GFAP: variants seen among roughly 807,000 people sequenced by gnomAD.
GFAP encodes the protein glial fibrillary acidic protein.
In GFAP, 38 loss-of-function variants were observed where a neutral mutation model predicts 49.3. The ratio of observed to expected loss-of-function variants is 0.77; its 90% CI spans 0.60 to 1.01. GFAP has a LOEUF of 1.01. GFAP is among the 50% of genes least tolerant of loss of function. The pLI is 0.00. For synonymous variants in GFAP, 222 were observed against 236.4 expected (o/e 0.94, Z 0.56); for missense variants, 463 against 579.1 (o/e 0.80, Z 2.06).
chr17:44,910,528 C>A lies in GFAP; in HGVS notation c.1171+87G>T, dbSNP rs746649712. 3.2e-6 allele frequency: 5 copies of A among 1,553,032 alleles called. No individual in the cohort carries two copies. The African/African-American group carries it at 6.8e-5, about 21-fold the overall frequency. ...GAGAGCTGGATCCCTTTGCCCTGATCCTCAGTCCCAGTCTGGAGCAACCTA... is the reference window on the plus strand; with the variant it reads ...GAGAGCTGGATCCCTTTGCCCTGATACTCAGTCCCAGTCTGGAGCAACCTA... On this transcript the variant is annotated intron_variant, in intron 7 of 8. Transcript: ENST00000588735.
At chr17:44,908,261 A>C (rs759501770) in intron 7 of GFAP, 112 bp from the exon 8 acceptor site, 8 of 760,744 alleles carry the variant, frequency 1.1e-5, no homozygotes, top group Non-Finnish European at 1.9e-5. Context: ...ATGAGAACCT[A>C]TGCAACCGAG....
At chr17:44,909,008 C>G (rs9901503) in intron 7 of GFAP, 18,590 of 150,776 alleles carry the variant, frequency 0.12, 1,220 homozygotes, top group East Asian at 0.25. Context: ...GTCTGAGGCA[C>G]GAGAATTGCT....
chr17:44,908,093 C>A lies in GFAP; in HGVS notation c.1228G>T (p.Val410Leu). The A allele has an allele frequency of 6.2e-7, 1 of 1,609,236 alleles. No individual in the cohort carries two copies. The highest frequency in any genetic ancestry group is 8.5e-7 in the Non-Finnish European group (1 of 1,175,774). The change falls in exon 8 of 9, where the codon GTG becomes TTG. Residue 410 changes from valine to leucine, a missense_variant. Val to Leu is a conservative substitution (Grantham distance 32). Around this residue, in one of 3 missense-constraint regions of GFAP, gnomAD observed 362 missense variants for 445.5 expected, o/e 0.81. Coordinates refer to ENST00000588735, the MANE Select transcript of GFAP (RefSeq NM_002055.5). ...CCATCCCGCATCTCCACGGTCTTCA[C>A]CACGATGTTCCTCTTGAGGTGGCCT... Reference protein sequence around the residue: ...SEGHLKRNIVVKTVEMRDGEV... With the variant: ...SEGHLKRNIVLKTVEMRDGEV...
Position 44,904,398 on chromosome 17 carries a change from T to G in GFAP, c.*2949A>C, listed in dbSNP as rs748658414. On this transcript the variant is annotated 3_prime_UTR_variant, in exon 9 of 9. Coordinates refer to ENST00000588735, the MANE Select transcript of GFAP (RefSeq NM_002055.5). ...GGAGTGCGTGGGGAGCAGTGGCGCA[T>G]CGGCCTCTGCTACCTGCAGAGCCCA... The G allele has an allele frequency of 6.5e-7, 1 of 1,542,316 alleles. No individual in the cohort carries two copies. Among genetic ancestry groups the G allele is most frequent in the South Asian group, 1.2e-5 (1 of 83,678 alleles).
At chr17:44,913,233 C>T (rs1426975788) in intron 4 of GFAP, 36 bp downstream of exon 4, 22 of 1,604,304 alleles carry the variant, frequency 1.4e-5, no homozygotes, top group Non-Finnish European at 1.8e-5. Flanking sequence ...AGAAGGGCTG[C>T]CTGGAGGAGG....
chr17:44,910,617 C>A lies in GFAP; in HGVS notation c.1169G>T (p.Arg390Leu). The change falls in exon 7 of 9, where the codon CGA becomes CTA. Residue 390 changes from arginine to leucine, a missense_variant and splice_region_variant. By Grantham distance (102) the Arg-to-Leu change is moderately radical. This residue lies in a region of GFAP where 362 missense variants were observed against 445.5 expected (regional missense o/e 0.81). Coordinates refer to ENST00000588735, the MANE Select transcript of GFAP (RefSeq NM_002055.5). ...PVQTFSNLQI[R>L]ETSLDTKSVS... ...CCACGAGGCCCTGCTGTACTGACCT[C>A]GAATCTGCAGGTTGGAGAAGGTCTG... 4 of 1,578,548 alleles carry A rather than the reference C, an allele frequency of 2.5e-6. No individual in the cohort carries two copies. The highest frequency in any genetic ancestry group is 3.4e-6 in the Non-Finnish European group (4 of 1,161,688).
chr17:44,905,927 G>A lies in GFAP; in HGVS notation c.*1420C>T, dbSNP rs1232289370. 1.3e-5 allele frequency: 2 copies of A among 152,300 alleles called. No homozygotes were observed. The highest frequency in any genetic ancestry group is 4.8e-5 in the African/African-American group (2 of 41,452). The allele number at this position is 152,300 out of a possible 1,614,324, so 9.4% of individuals were successfully genotyped here. On this transcript the variant is annotated 3_prime_UTR_variant, in exon 9 of 9. Coordinates refer to ENST00000588735, the MANE Select transcript of GFAP (RefSeq NM_002055.5). The stretch of plus-strand genomic sequence containing the variant: ...GTCAGCCCTGAGCACCCGGCCTCCA[G>A]GCTGCAGGAATATGAGCCAGTGTCT...
At chr17:44,913,166 A>G (rs1440209529) in intron 4 of GFAP, 103 bp downstream of exon 4, 2 of 1,137,858 alleles carry the variant, frequency 1.8e-6, no homozygotes, top group East Asian at 2.3e-5. Context: ...AGTCACCTGG[A>G]GAGGATATTC....
intron 7 of GFAP, chr17:44,908,475 A>C: frequency 3.4e-5 from 7 of 204,404 alleles, no homozygotes; most frequent in East Asian, 1.1e-4. Flanking sequence ...CACACCTATA[A>C]TGCCATCATT....
chr17:44,911,554 G>A, intron 5 of GFAP, 98 bp from the exon 6 acceptor site: 1 of 1,563,486 alleles, frequency 6.4e-7, no homozygotes, highest in Non-Finnish European at 8.7e-7. Context: ...CTAGCCCGGG[G>A]GTAACGTTCA....
intron 4 of GFAP, chr17:44,912,530 C>T (rs1178873706): frequency 6.5e-6 from 1 of 154,484 alleles, no homozygotes; most frequent in East Asian, 1.9e-4. Flanking sequence ...CACTCACACT[C>T]CTCAGCTAGG....
Position 44,913,618 on chromosome 17 carries a change from T to A in GFAP, c.618+110A>T, listed in dbSNP as rs139617907. On this transcript the variant is annotated intron_variant, in intron 3 of 8. Coordinates refer to ENST00000588735, the MANE Select transcript of GFAP (RefSeq NM_002055.5). Reference sequence around the variant, plus strand: ...CTGTCTCTACCTGCCAATCTCTGTTTCTCTCCTCTCTCTGAGTGTCTCTCT... The same window carrying A: ...CTGTCTCTACCTGCCAATCTCTGTTACTCTCCTCTCTCTGAGTGTCTCTCT... 364 of 1,043,296 alleles carry A rather than the reference T, an allele frequency of 3.5e-4. No homozygotes were observed. In the East Asian group the frequency reaches 7.8e-3, roughly 22 times the overall value. 64.6% of individuals were successfully genotyped at this position (1,043,296 alleles called of 1,614,324 possible).
chr17:44,911,644 G>T (rs1374308354), intron 5 of GFAP, 28 bp downstream of exon 5: 7 of 1,608,476 alleles, frequency 4.4e-6, no homozygotes, highest in Non-Finnish European at 5.9e-6. Context: ...TGCTCCGCCC[G>T]TCCCCGTCCT....
chr17:44,911,310 G>T lies in GFAP; in HGVS notation c.1053C>A (p.Asp351Glu), dbSNP rs779162714. 1 of 1,614,158 alleles carries T rather than the reference G, an allele frequency of 6.2e-7. No homozygotes were observed. Among genetic ancestry groups the T allele is most frequent in the Admixed American group, 1.7e-5 (1 of 60,034 alleles). ...CCAGGGCCAGCTTGACATTGAGCAG[G>T]TCCTGGTACTCCTGCAAGTGGCGGG... is the stretch of plus-strand genomic sequence containing the variant. ...EMARHLQEYQ[D>E]LLNVKLALDI... Residue 351 changes from aspartate to glutamate, a missense_variant, in exon 6 of 9, where the codon GAC becomes GAA. This residue lies in a region of GFAP where 362 missense variants were observed against 445.5 expected (regional missense o/e 0.81). Transcript: ENST00000588735.
At chr17:44,912,258 G>T in intron 4 of GFAP, 1 of 162,862 alleles carries the variant, frequency 6.1e-6, no homozygotes. Context: ...TGAGTAGCTG[G>T]GATTACAGGC....
chr17:44,910,241 G>A lies in GFAP; in HGVS notation c.1171+374C>T, dbSNP rs1297179058. The A allele has an allele frequency of 1.7e-5, 27 of 1,613,748 alleles. No individual in the cohort carries two copies. Among genetic ancestry groups the A allele is most frequent in the South Asian group, 8.8e-5 (8 of 91,084 alleles). On this transcript the variant is annotated intron_variant, in intron 7 of 8. Transcript: ENST00000588735. ...ATCTTGTGACCTTGTGATTTTCCCC[G>A]TCTTTGGTGCTTTTGCCCCCTGTAG...
In GFAP at chr17:44,903,895, G is replaced by T; in HGVS notation, c.*3452C>A. On this transcript the variant is annotated 3_prime_UTR_variant, in exon 9 of 9. Transcript: ENST00000588735. Reference sequence around the variant, plus strand: ...GGCTCCAGGCCTTTGAAATTGTGGAGAAGGAAAACATTTTTCAGAGGACCC... The same window carrying T: ...GGCTCCAGGCCTTTGAAATTGTGGATAAGGAAAACATTTTTCAGAGGACCC... 6.4e-7 allele frequency: 1 copy of T among 1,550,658 alleles called. No individual in the cohort carries two copies. The highest frequency in any genetic ancestry group is 8.7e-7 in the Non-Finnish European group (1 of 1,146,986).
rs985259493 is a variant in GFAP, at chr17:44,903,447, G to A, written c.*3900C>T. The A allele has an allele frequency of 8.0e-7, 1 of 1,252,510 alleles. No individual in the cohort carries two copies. Among genetic ancestry groups the A allele is most frequent in the African/African-American group, 1.5e-5 (1 of 64,716 alleles). The allele number at this position is 1,252,510 out of a possible 1,614,324, so 77.6% of individuals were successfully genotyped here. ...GGTTGATGAAAGACTTTTCCACCAGGCTGGCAGGGCAGGGCCTGGAGCACT... is the reference window on the plus strand; with the variant it reads ...GGTTGATGAAAGACTTTTCCACCAGACTGGCAGGGCAGGGCCTGGAGCACT... On this transcript the variant is annotated 3_prime_UTR_variant, in exon 9 of 9. Coordinates refer to ENST00000588735, the MANE Select transcript of GFAP (RefSeq NM_002055.5).
rs1371694966 is a variant in GFAP at position 44,913,568 on chromosome 17, T to C, written c.619-138A>G. 2.7e-6 allele frequency: 3 copies of C among 1,090,936 alleles called. No individual in the cohort carries two copies. In the South Asian group the frequency reaches 3.8e-5, roughly 14 times the overall value. The allele number at this position is 1,090,936 out of a possible 1,614,324, so 67.6% of individuals were successfully genotyped here. A position where few individuals can be genotyped will look rare whatever the true frequency, so the allele number is the denominator to read the frequency against. On this transcript the variant is annotated intron_variant, in intron 3 of 8. Coordinates refer to ENST00000588735, the MANE Select transcript of GFAP (RefSeq NM_002055.5). ...TCTTGTCTCTTTCCGTCTCCCTTAG[T>C]GTCTTTCTGTTTGTCTTTCATTTCC...
Sources: allele counts gnomAD v4.1 joint callset, GRCh38; gene constraint gnomAD v4.1.1; regional missense constraint gnomAD v4.1.1; transcripts MANE v1.5; gene names NCBI Gene and HGNC (gene_info 2026-07-23, HGNC 2026-07-21).